KIAA1958: variants seen among roughly 807,000 people sequenced by gnomAD.
The protein encoded by KIAA1958 is uncharacterized protein KIAA1958.
Under a neutral mutation model 47.2 loss-of-function variants are expected in KIAA1958, and 14 were observed. The observed-to-expected ratio is 0.30, with a 90% CI of 0.20 to 0.46. The LOEUF is 0.46. Among genes scored for constraint, KIAA1958 ranks in the 20% least tolerant of loss-of-function variants. The pLI, the probability that KIAA1958 is intolerant of heterozygous loss-of-function variation, is 1.00. For missense variants in KIAA1958, 803 were observed against 909.2 expected, an observed-to-expected ratio of 0.88 and a Z score of 1.50; for synonymous variants, 354 against 353.3, an observed-to-expected ratio of 1.00 and a Z score of -0.02.
chr9:112,494,953 T>A (rs1434262876), intron 1 of KIAA1958, among the ~76,000 whole-genome samples: 5 of 152,228 alleles, frequency 3.3e-5, no homozygotes, highest in Middle Eastern at 3.4e-3. Context: ...CATTTAAAAA[T>A]TTTTTCCCCT....
intron 1 of KIAA1958, among the ~76,000 whole-genome samples, chr9:112,493,871 T>C (rs1053669705): frequency 2.0e-5 from 3 of 152,244 alleles, no homozygotes; most frequent in African/African-American, 2.4e-5. Flanking sequence ...TGGCAAACTT[T>C]TTCTGTAAAA....
intron 1 of KIAA1958, among the ~76,000 whole-genome samples, chr9:112,554,556 A>G (rs562383097): frequency 1.3e-5 from 2 of 152,256 alleles, no homozygotes; most frequent in East Asian, 3.9e-4. Flanking sequence ...AAAGTAAAGG[A>G]TTGGTTAATT....
intron 3 of KIAA1958, among the ~76,000 whole-genome samples, chr9:112,649,341 A>G (rs1393565974): frequency 1.4e-5 from 2 of 147,010 alleles, no homozygotes. Flanking sequence ...TTTTTTTTGT[A>G]CAGACGATGT....
chr9:112,623,721 T>C (rs1836550333), intron 2 of KIAA1958, among the ~76,000 whole-genome samples: 1 of 152,204 alleles, frequency 6.6e-6, no homozygotes, highest in East Asian at 1.9e-4. Context: ...TATATGTGTA[T>C]AATTTATTTT....
At chr9:112,600,375 A>ATGTTACG (rs1236263124) in intron 2 of KIAA1958, among the ~76,000 whole-genome samples, 2 of 152,192 alleles carry the variant, frequency 1.3e-5, no homozygotes, top group Non-Finnish European at 2.9e-5. Context: ...CACACCTGCA[A>ATGTTACG]TGTTACGTCT....
chr9:112,541,505 T>A (rs62568599), intron 1 of KIAA1958, among the ~76,000 whole-genome samples: 16,843 of 152,154 alleles, frequency 0.11, 1,383 homozygotes, highest in East Asian at 0.19. Flanking sequence ...ATCAGTATGT[T>A]AGAATAAAAC....
intron 3 of KIAA1958, among the ~76,000 whole-genome samples, chr9:112,654,922 G>A (rs866616226): frequency 1.3e-5 from 2 of 152,156 alleles, no homozygotes; most frequent in Admixed American, 1.3e-4. Context: ...CCATATACAT[G>A]CATATGGATG....
intron 2 of KIAA1958, among the ~76,000 whole-genome samples, chr9:112,623,056 A>G (rs944896130): frequency 6.6e-6 from 1 of 152,196 alleles, no homozygotes; most frequent in Non-Finnish European, 1.5e-5. Flanking sequence ...TATTCATTGA[A>G]TATGTTGGTC....
chr9:112,521,671 A>G (rs1834546498), intron 1 of KIAA1958, among the ~76,000 whole-genome samples: 1 of 152,164 alleles, frequency 6.6e-6, no homozygotes, highest in Admixed American at 6.5e-5. Context: ...ATATTGCATG[A>G]TAACTTTTGA....
At chr9:112,594,589 C>A (rs917175063) in intron 2 of KIAA1958, among the ~76,000 whole-genome samples, 2 of 152,210 alleles carry the variant, frequency 1.3e-5, no homozygotes, top group Non-Finnish European at 2.9e-5. Context: ...TAATATCCCT[C>A]ATACACAGAT....
At position 112,505,869 on chromosome 9, in the gene KIAA1958, G is replaced by C. The variant is rs182642790; in HGVS notation, c.-25+18751G>C. 1.4e-4 allele frequency among the ~76,000 whole-genome samples: 21 copies of C among 152,276 alleles called. 1 individual carries two copies. The highest frequency in any genetic ancestry group is 5.2e-4 in the Admixed American group (8 of 15,300). ...AGGAACTTTGCTTTGTGAGTGTATA[G>C]GTCAGGGCAATAAAAAGTTCGACTT... On this transcript the variant is annotated intron_variant, in intron 1 of 3. Transcript: ENST00000337530.
At chr9:112,637,303 T>C (rs938982179) in intron 2 of KIAA1958, among the ~76,000 whole-genome samples, 4 of 152,186 alleles carry the variant, frequency 2.6e-5, no homozygotes, top group African/African-American at 7.2e-5. Context: ...ACATCTGTCT[T>C]TATTTTTTAG....
intron 2 of KIAA1958, among the ~76,000 whole-genome samples, chr9:112,594,197 A>G (rs539761730): frequency 8.6e-4 from 131 of 152,360 alleles, no homozygotes; most frequent in African/African-American, 3.0e-3. Flanking sequence ...ATAGTTGGAA[A>G]GTTCTGGAAG....
At chr9:112,512,918 A>G (rs925693812) in intron 1 of KIAA1958, among the ~76,000 whole-genome samples, 1 of 152,006 alleles carries the variant, frequency 6.6e-6, no homozygotes, top group South Asian at 2.1e-4. Context: ...GCTCACTGCA[A>G]CTTCTGCCTT....
At chr9:112,637,670 C>A (rs1306707179) in intron 2 of KIAA1958, among the ~76,000 whole-genome samples, 14 of 152,114 alleles carry the variant, frequency 9.2e-5, no homozygotes, top group Admixed American at 9.2e-4. Flanking sequence ...GCCACTGCAC[C>A]TGGCCTTACC....
At chr9:112,531,188 A>T (rs950917566) in intron 1 of KIAA1958, among the ~76,000 whole-genome samples, 2 of 152,208 alleles carry the variant, frequency 1.3e-5, no homozygotes, top group African/African-American at 2.4e-5. Flanking sequence ...TGGGAGTTCG[A>T]GACCAGCTTG....
At chr9:112,517,418 T>C (rs1019503999) in intron 1 of KIAA1958, among the ~76,000 whole-genome samples, 4 of 152,220 alleles carry the variant, frequency 2.6e-5, no homozygotes, top group Non-Finnish European at 5.9e-5. Flanking sequence ...TGAACTTCAG[T>C]CTATACCGTG....
intron 1 of KIAA1958, among the ~76,000 whole-genome samples, chr9:112,505,375 A>C (rs187526030): frequency 6.6e-6 from 1 of 152,340 alleles, no homozygotes; most frequent in African/African-American, 2.4e-5. Context: ...TATAATACTA[A>C]GTATATAGCC....
At chr9:112,647,182 A>AT (rs1005554723) in intron 3 of KIAA1958, among the ~76,000 whole-genome samples, 1 of 152,130 alleles carries the variant, frequency 6.6e-6, no homozygotes, top group Non-Finnish European at 1.5e-5. Flanking sequence ...AAAAAAAAAA[A>AT]GTGCAACAGA....
Sources: allele counts gnomAD v4.1 joint callset (sites outside exome capture counted in the v4.1 genomes callset), GRCh38; gene constraint gnomAD v4.1.1; transcripts MANE v1.5; gene names NCBI Gene and HGNC (gene_info 2026-07-23, HGNC 2026-07-21).